PAWR: variants seen among roughly 807,000 people sequenced by gnomAD.
PAWR encodes PRKC apoptosis WT1 regulator protein.
Under a neutral mutation model 32.0 loss-of-function variants are expected in PAWR, and 23 were observed. That is an observed-to-expected ratio of 0.72 (90% CI 0.52 to 1.02). PAWR has a LOEUF of 1.02. Among genes scored for constraint, PAWR ranks in the 50% least tolerant of loss-of-function variants. The pLI is 0.00. For missense variants in PAWR, 457 were observed against 437.7 expected, an observed-to-expected ratio of 1.04 and a Z score of -0.39; for synonymous variants, 226 against 187.1, an observed-to-expected ratio of 1.21 and a Z score of -1.70.
chr12:79,611,886 T>C (rs1002983888), intron 4 of PAWR, among the ~76,000 whole-genome samples: 1 of 152,136 alleles, frequency 6.6e-6, no homozygotes, highest in Non-Finnish European at 1.5e-5. Flanking sequence ...AATAAAGCTT[T>C]TGATAGGATT....
chr12:79,662,649 G>C (rs1877406250), intron 2 of PAWR, among the ~76,000 whole-genome samples: 1 of 152,154 alleles, frequency 6.6e-6, no homozygotes, highest in African/African-American at 2.4e-5. Flanking sequence ...AGACAAAAAA[G>C]CAGAAGCCCA....
intron 3 of PAWR, among the ~76,000 whole-genome samples, chr12:79,615,267 T>C (rs945796423): frequency 7.9e-5 from 12 of 152,158 alleles, no homozygotes; most frequent in African/African-American, 2.9e-4. Flanking sequence ...ATAAGAACCC[T>C]CCACCAGCAA....
intron 2 of PAWR, among the ~76,000 whole-genome samples, chr12:79,636,174 A>G (rs1875952928): frequency 6.6e-6 from 1 of 152,148 alleles, no homozygotes; most frequent in Admixed American, 6.6e-5. Flanking sequence ...CAGCTCAAAG[A>G]TTTTAATATA....
chr12:79,671,024 C>G (rs1019427065), intron 2 of PAWR, among the ~76,000 whole-genome samples: 1 of 148,808 alleles, frequency 6.7e-6, no homozygotes, highest in Non-Finnish European at 1.5e-5. Flanking sequence ...CACAGTAGCA[C>G]GAACCTCTAG....
intron 2 of PAWR, among the ~76,000 whole-genome samples, chr12:79,685,807 T>A (rs1046592307): frequency 2.0e-5 from 3 of 152,204 alleles, no homozygotes; most frequent in African/African-American, 4.8e-5. Context: ...TAAAAAGTTA[T>A]GTAAAAATCT....
intron 2 of PAWR, among the ~76,000 whole-genome samples, chr12:79,689,442 G>A (rs1467283012): frequency 6.6e-6 from 1 of 152,170 alleles, no homozygotes; most frequent in African/African-American, 2.4e-5. Flanking sequence ...AGGTGGGCAA[G>A]TCCTGGAGCC....
intron 2 of PAWR, among the ~76,000 whole-genome samples, chr12:79,630,580 G>A (rs1350488762): frequency 1.3e-5 from 2 of 152,128 alleles, no homozygotes; most frequent in Admixed American, 1.3e-4. Flanking sequence ...TGGGATTACA[G>A]GTGTGGGCCA....
chr12:79,676,386 T>A (rs1263579972), intron 2 of PAWR, among the ~76,000 whole-genome samples: 1 of 152,148 alleles, frequency 6.6e-6, no homozygotes, highest in African/African-American at 2.4e-5. Flanking sequence ...TGACTCAAGA[T>A]AATAATAAGC....
chr12:79,610,208 T>C (rs572354570), intron 4 of PAWR, among the ~76,000 whole-genome samples: 36 of 152,336 alleles, frequency 2.4e-4, no homozygotes, highest in African/African-American at 8.7e-4. Flanking sequence ...TGGTAGATGT[T>C]TGCCAGGAAT....
rs150112549 is a variant in PAWR at position 79,670,212 on chromosome 12, A to C, written c.516+19517T>G. Among the ~76,000 whole-genome samples, 41 of 152,306 alleles carry C rather than the reference A, an allele frequency of 2.7e-4. No homozygotes were observed. The East Asian group carries it at 6.7e-3, about 25-fold the overall frequency. ...GTAAACAGTTTTAACAATGACAAAA[A>C]GTTTTAAGCAACTAATTGGCAGTAC... On this transcript the variant is annotated intron_variant, in intron 2 of 6. Coordinates refer to ENST00000328827, the MANE Select transcript of PAWR (RefSeq NM_002583.4).
intron 2 of PAWR, among the ~76,000 whole-genome samples, chr12:79,648,498 T>C (rs1370188440): frequency 2.6e-5 from 4 of 151,886 alleles, no homozygotes; most frequent in South Asian, 2.1e-4. Flanking sequence ...ACTTCTATAA[T>C]GTGTATTATT....
rs8176858 is a variant in PAWR at position 79,623,428 on chromosome 12, G to A, written c.517-2221C>T. Among the ~76,000 whole-genome samples, 682 of 152,204 alleles carry A rather than the reference G, an allele frequency of 4.5e-3. 6 individuals carry two copies. Among genetic ancestry groups the A allele is most frequent in the South Asian group, 0.034 (162 of 4,822 alleles). On this transcript the variant is annotated intron_variant, in intron 2 of 6. Coordinates refer to ENST00000328827, the MANE Select transcript of PAWR (RefSeq NM_002583.4). ...ATAGAACTAGGTAAGAAGAATAGGC[G>A]ATTTTAACATTAGAAAGGAGGCAAA...
chr12:79,597,347 G>C (rs1873802580), intron 4 of PAWR, among the ~76,000 whole-genome samples: 1 of 152,162 alleles, frequency 6.6e-6, no homozygotes, highest in Non-Finnish European at 1.5e-5. Context: ...TTACAGATGT[G>C]AGCATTGTGC....
At chr12:79,594,992 C>T (rs1873695649) in intron 5 of PAWR, among the ~76,000 whole-genome samples, 2 of 152,196 alleles carry the variant, frequency 1.3e-5, no homozygotes, top group Admixed American at 6.5e-5. Context: ...GCTGGGATTA[C>T]AAGCGTGAGC....
rs2136906810 is a variant in PAWR, at chr12:79,690,032, G to A, written c.213C>T (p.Asn71=). The change falls in exon 2 of 7, where the codon AAC becomes AAT. Residue 71 remains asparagine, a synonymous_variant. Transcript: ENST00000328827. ...PAAAAANELN[N]NLPGGAPAAP... is the part of the protein sequence containing the mutation. ...CGGCCGGCGCGCCGCCCGGGAGGTT[G>A]TTGTTGAGCTCGTTGGCAGCGGCGG... The A allele has an allele frequency of 3.0e-6, 4 of 1,337,972 alleles. No homozygotes were observed. The highest frequency in any genetic ancestry group is 3.8e-6 in the Non-Finnish European group (4 of 1,052,924). 82.9% of individuals were successfully genotyped at this position (1,337,972 alleles called of 1,614,324 possible). A position where few individuals can be genotyped will look rare whatever the true frequency, so the allele number is the denominator to read the frequency against.
chr12:79,648,616 C>CT (rs1273242232), intron 2 of PAWR, among the ~76,000 whole-genome samples: 2 of 103,232 alleles, frequency 1.9e-5, no homozygotes, highest in African/African-American at 1.4e-4. Context: ...GACCCTGTCT[C>CT]TAAAAAAAAA....
intron 2 of PAWR, among the ~76,000 whole-genome samples, chr12:79,657,946 A>T (rs964319186): frequency 6.6e-6 from 1 of 152,166 alleles, no homozygotes; most frequent in Admixed American, 6.5e-5. Context: ...AAGGGGGAAA[A>T]ATTTTTCTCA....
rs189155160 is a variant in PAWR at position 79,590,935 on chromosome 12, T to C, written c.*1672A>G. 5 of 152,338 alleles carry C rather than the reference T, an allele frequency of 3.3e-5. No homozygotes were observed. Among genetic ancestry groups the C allele is most frequent in the African/African-American group, 1.2e-4 (5 of 41,568 alleles). 9.4% of individuals were successfully genotyped at this position (152,338 alleles called of 1,614,324 possible). A position where few individuals can be genotyped will look rare whatever the true frequency, so the allele number is the denominator to read the frequency against. ...AAAACTGCCCTGGAGACCGGGTTAA[T>C]TATTAAATAAACTAAAAGGGGAGAA... On this transcript the variant is annotated 3_prime_UTR_variant, in exon 7 of 7. Transcript: ENST00000328827.
chr12:79,658,530 G>C (rs975386377), intron 2 of PAWR, among the ~76,000 whole-genome samples: 2 of 152,094 alleles, frequency 1.3e-5, no homozygotes, highest in African/African-American at 4.8e-5. Flanking sequence ...CACATCATCA[G>C]TACACATAAG....
Sources: gnomAD v4.1 joint callset for allele counts (sites outside exome capture counted in the v4.1 genomes callset) on GRCh38, gnomAD v4.1.1 for gene constraint, MANE v1.5 for transcripts, NCBI Gene and HGNC (gene_info 2026-07-23, HGNC 2026-07-21) for gene names.